Variants in GRIP1 observed in about 807,000 individuals in gnomAD.
GRIP1 encodes the protein glutamate receptor-interacting protein 1.
Under a neutral mutation model 129.9 loss-of-function variants are expected in GRIP1, and 45 were observed. The observed-to-expected ratio is 0.35, with a 90% CI of 0.27 to 0.44. GRIP1 has a LOEUF of 0.44. GRIP1 is among the 20% of genes least tolerant of loss of function. The pLI is 1.00. For missense variants in GRIP1, 1,196 were observed against 1,396.8 expected (o/e 0.86, Z 2.29); for synonymous variants, 530 against 520.8 (o/e 1.02, Z -0.24).
chr12:66,949,319 T>C (rs1243176512), intron 1 of GRIP1, among the ~76,000 whole-genome samples: 1 of 152,212 alleles, frequency 6.6e-6, no homozygotes, highest in Non-Finnish European at 1.5e-5. Flanking sequence ...TTGAGAGTTT[T>C]CTATAAAGGT....
intron 16 of GRIP1, among the ~76,000 whole-genome samples, chr12:66,398,144 G>A (rs1473039242): frequency 6.6e-6 from 1 of 152,086 alleles, no homozygotes; most frequent in Non-Finnish European, 1.5e-5. Context: ...CAGTTTTCCT[G>A]CTTGGGATCC....
Position 66,723,251 on chromosome 12 carries a change from C to T in GRIP1, c.-420+80802G>A, listed in dbSNP as rs1175978438. On this transcript the variant is annotated intron_variant, in intron 1 of 4. Coordinates refer to the GRIP1 transcript ENST00000538373. ...CTCTCTCTCTCTCTCTTCCTTCCTTCCTTCCTTCCTTCCTTCCTTCCTTCC... is the reference window on the plus strand; with the variant it reads ...CTCTCTCTCTCTCTCTTCCTTCCTTTCTTCCTTCCTTCCTTCCTTCCTTCC... 3.6e-3 allele frequency among the ~76,000 whole-genome samples: 26 copies of T among 7,236 alleles called. 3 individuals carry two copies. The highest frequency in any genetic ancestry group is 0.01 in the African/African-American group (15 of 1,476). The allele number at this position is 7,236 out of a possible 152,430, so 4.7% of individuals were successfully genotyped here. A position where few individuals can be genotyped will look rare whatever the true frequency, so the allele number is the denominator to read the frequency against.
chr12:66,622,495 T>A (rs1329574784), intron 1 of GRIP1, among the ~76,000 whole-genome samples: 1 of 152,168 alleles, frequency 6.6e-6, no homozygotes, highest in Admixed American at 6.6e-5. Context: ...ATGTAATTAT[T>A]ATACATGATA....
chr12:66,773,530 G>A (rs1313838378), intron 1 of GRIP1, among the ~76,000 whole-genome samples: 1 of 152,170 alleles, frequency 6.6e-6, no homozygotes, highest in Non-Finnish European at 1.5e-5. Context: ...ACATAGGGAG[G>A]GGATCATCAC....
At chr12:66,650,833 G>C (rs1005266844) in intron 1 of GRIP1, among the ~76,000 whole-genome samples, 6 of 152,250 alleles carry the variant, frequency 3.9e-5, no homozygotes, top group Admixed American at 1.3e-4. Context: ...ACACACAGTA[G>C]AGTTTAGGAG....
At chr12:67,027,935 G>A (rs2042963572) in intron 1 of GRIP1, among the ~76,000 whole-genome samples, 1 of 152,186 alleles carries the variant, frequency 6.6e-6, no homozygotes. Flanking sequence ...TCTAGTGAGG[G>A]GAAGGAATTG....
intron 2 of GRIP1, among the ~76,000 whole-genome samples, chr12:66,574,698 T>C (rs1318347617): frequency 6.6e-6 from 1 of 152,200 alleles, no homozygotes. Flanking sequence ...GCTATTATAT[T>C]TTATACCCAG....
At chr12:66,980,331 G>A (rs2042225171) in intron 1 of GRIP1, among the ~76,000 whole-genome samples, 2 of 152,162 alleles carry the variant, frequency 1.3e-5, no homozygotes, top group Admixed American at 6.5e-5. Flanking sequence ...TCATATATGT[G>A]GCTAGGCGTG....
chr12:66,578,740 A>C (rs915079531), intron 2 of GRIP1, among the ~76,000 whole-genome samples: 1 of 152,194 alleles, frequency 6.6e-6, no homozygotes, highest in Admixed American at 6.5e-5. Context: ...TGCTTAGGTA[A>C]ACAAAGCAGC....
intron 1 of GRIP1, among the ~76,000 whole-genome samples, chr12:66,843,562 A>T (rs754366712): frequency 2.0e-5 from 3 of 152,138 alleles, no homozygotes; most frequent in Non-Finnish European, 2.9e-5. Flanking sequence ...TTCAAAACTT[A>T]TTACAAAGCT....
At chr12:66,381,175 G>A (rs948689553) in intron 19 of GRIP1, among the ~76,000 whole-genome samples, 14 of 152,176 alleles carry the variant, frequency 9.2e-5, no homozygotes, top group African/African-American at 3.4e-4. Flanking sequence ...AATACTCTAA[G>A]AACCTTCTAT....
At chr12:66,665,040 G>T (rs147962608) in intron 1 of GRIP1, among the ~76,000 whole-genome samples, 244 of 151,994 alleles carry the variant, frequency 1.6e-3, no homozygotes, top group African/African-American at 5.7e-3. Flanking sequence ...TTTAGACAGG[G>T]TCTTGCTGTG....
Position 67,045,621 on chromosome 12 carries a change from C to T in GRIP1, c.58+23429G>A, listed in dbSNP as rs11176549. The stretch of plus-strand genomic sequence containing the variant: ...AATACCTGAGTAAGCCAGTGTGAGA[C>T]TTAATGGGATTCTAAGCACACTAAG... On this transcript the variant is annotated intron_variant, in intron 1 of 1. Transcript: ENST00000643019. Among the ~76,000 whole-genome samples, 20 of 152,284 alleles carry T rather than the reference C, an allele frequency of 1.3e-4. No homozygotes were observed. In the East Asian group the frequency reaches 3.3e-3, roughly 25 times the overall value.
At chr12:66,590,873 G>C (rs1055026497) in intron 2 of GRIP1, among the ~76,000 whole-genome samples, 1 of 152,188 alleles carries the variant, frequency 6.6e-6, no homozygotes, top group Non-Finnish European at 1.5e-5. Context: ...CATACAATGA[G>C]ACAGAAAACA....
chr12:66,517,472 TCAC>T (rs1040361459), intron 6 of GRIP1, among the ~76,000 whole-genome samples: 2 of 152,124 alleles, frequency 1.3e-5, no homozygotes, highest in African/African-American at 4.8e-5. Flanking sequence ...GGTAAGAATC[TCAC>T]CACCACCACC....
intron 1 of GRIP1, among the ~76,000 whole-genome samples, chr12:66,727,073 A>T (rs2036278629): frequency 6.6e-6 from 1 of 152,222 alleles, no homozygotes; most frequent in Non-Finnish European, 1.5e-5. Flanking sequence ...TTTCTCAAAC[A>T]ACATATACTC....
chr12:66,877,959 G>A (rs1258005990), intron 1 of GRIP1, among the ~76,000 whole-genome samples: 1 of 152,078 alleles, frequency 6.6e-6, no homozygotes, highest in Non-Finnish European at 1.5e-5. Context: ...TTATAACAAG[G>A]TATGGTAATT....
chr12:66,566,551 T>A (rs2062764407), intron 2 of GRIP1, among the ~76,000 whole-genome samples: 1 of 152,206 alleles, frequency 6.6e-6, no homozygotes, highest in South Asian at 2.1e-4. Context: ...TTTGCATTGA[T>A]TTTCATCAGG....
At chr12:66,374,203 T>A (rs891511978) in intron 22 of GRIP1, among the ~76,000 whole-genome samples, 1 of 152,196 alleles carries the variant, frequency 6.6e-6, no homozygotes, top group African/African-American at 2.4e-5. Flanking sequence ...ATTTTATTTT[T>A]TTTGAAATGG....
Sources: gnomAD v4.1 joint callset for allele counts (sites outside exome capture counted in the v4.1 genomes callset) on GRCh38, gnomAD v4.1.1 for gene constraint, MANE v1.5 for transcripts, NCBI Gene and HGNC (gene_info 2026-07-23, HGNC 2026-07-21) for gene names.